SLC16A5: variants seen among roughly 807,000 people sequenced by gnomAD.
SLC16A5 encodes monocarboxylate transporter 6.
In SLC16A5, 29 loss-of-function variants were observed where a neutral mutation model predicts 33.2. That is an observed-to-expected ratio of 0.87 (90% CI 0.65 to 1.19). The LOEUF (loss-of-function observed/expected upper bound fraction) is 1.19, where lower values mean the gene tolerates loss of function less well. SLC16A5 is among the 50% of genes most tolerant of loss of function. The pLI, the probability that SLC16A5 is intolerant of heterozygous loss-of-function variation, is 0.00. For missense variants in SLC16A5, 606 were observed against 678.2 expected (o/e 0.89, Z 1.18); for synonymous variants, 248 against 284.1 (o/e 0.87, Z 1.28).
chr17:75,092,767 C>T lies in SLC16A5; in HGVS notation c.-48-822C>T, dbSNP rs546709236. ...TTCTGTGCTTGTCTGTGTGAGTGTG[C>T]GCTGTGACTGTGTTTGTGTGTGACT... On this transcript the variant is annotated intron_variant, in intron 2 of 6. Transcript: ENST00000329783. Among the ~76,000 whole-genome samples, 6 of 150,402 alleles carry T rather than the reference C, an allele frequency of 4.0e-5. No individual in the cohort carries two copies. The South Asian group carries it at 1.1e-3, about 26-fold the overall frequency.
chr17:75,101,326 T>G (rs1393488127), intron 5 of SLC16A5, among the ~76,000 whole-genome samples: 3 of 148,726 alleles, frequency 2.0e-5, no homozygotes, highest in African/African-American at 7.5e-5. Context: ...TTTGGGAGGC[T>G]GAGGCGGGTG....
chr17:75,104,557 T>C, intron 6 of SLC16A5: 1 of 791,878 alleles, frequency 1.3e-6, no homozygotes, highest in Non-Finnish European at 1.6e-6. Flanking sequence ...GTTCAAGCGA[T>C]TCTCCTGCCT....
At chr17:75,092,822 CGTGTGT>C (rs10541835) in intron 2 of SLC16A5, among the ~76,000 whole-genome samples, 8,619 of 135,998 alleles carry the variant, frequency 0.063, 281 homozygotes, top group Non-Finnish European at 0.071. Context: ...TGTGCCACTG[CGTGTGT>C]GTGTGTGTGT....
At chr17:75,101,760 A>C (rs2073802980) in intron 5 of SLC16A5, among the ~76,000 whole-genome samples, 1 of 151,574 alleles carries the variant, frequency 6.6e-6, no homozygotes, top group African/African-American at 2.4e-5. Context: ...TCAGCCCCCC[A>C]AGTAGCTGGG....
chr17:75,103,922 TGG>T lies in SLC16A5; in HGVS notation c.1154-43_1154-42del, dbSNP rs754179106. 1.0e-5 allele frequency: 16 copies of T among 1,552,396 alleles called. No homozygotes were observed. In the African/African-American group the frequency reaches 2.0e-4, roughly 20 times the overall value. On this transcript the variant is annotated intron_variant, in intron 5 of 6. Transcript: ENST00000329783. ...GCTGTCAGGGAACACACAGCTGAGT[TGG>T]GGGGAGGCCTGGTAGCACTGGCCTA...
intron 6 of SLC16A5, chr17:75,105,291 C>T: frequency 1.0e-6 from 1 of 985,442 alleles, no homozygotes. Flanking sequence ...CTTTCCCCAC[C>T]CTGTCTCCTT....
rs1340055643 is a variant in SLC16A5 at position 75,105,893 on chromosome 17, C to T, written c.1378C>T (p.Arg460Cys). 4 of 1,603,788 alleles carry T rather than the reference C, an allele frequency of 2.5e-6. No homozygotes were observed. The highest frequency in any genetic ancestry group is 1.1e-5 in the South Asian group (1 of 90,076). ...RSPEIMCQSS[R>C]QPRPAGVNKH... ...TTTCATGAACAGGTGCCAGTCTTCC[C>T]GCCAGCCACGTCCAGCTGGCGTCAA... is the stretch of plus-strand genomic sequence containing the variant. Residue 460 changes from arginine to cysteine, a missense_variant, in exon 7 of 7, where the codon CGC becomes TGC. Transcript: ENST00000329783.
At chr17:75,094,058 C>A (rs533315642) in intron 3 of SLC16A5, among the ~76,000 whole-genome samples, 4 of 152,200 alleles carry the variant, frequency 2.6e-5, no homozygotes, top group Non-Finnish European at 5.9e-5. Context: ...CAAAGCCAGG[C>A]GGAGCCTTGC....
chr17:75,096,525 C>CT (rs1302099286), intron 3 of SLC16A5, among the ~76,000 whole-genome samples: 4 of 147,658 alleles, frequency 2.7e-5, no homozygotes, highest in African/African-American at 1.0e-4. Flanking sequence ...CTGTCACTTG[C>CT]TTTTTTCTTT....
Position 75,093,757 on chromosome 17 carries a change from T to A in SLC16A5, c.121T>A (p.Leu41Met), listed in dbSNP as rs4788863. The change falls in exon 3 of 7, where the codon TTG (leucine) becomes ATG (methionine). Residue 41 changes from leucine (L) to methionine (M), a missense_variant. Coordinates refer to ENST00000329783, the MANE Select transcript of SLC16A5 (RefSeq NM_004695.4). ...GTGTATCGGCATCTTCTTCACTGAATTGCAATGGGAGTTCCAGGCCAGCAA... is the reference window on the plus strand; with the variant it reads ...GTGTATCGGCATCTTCTTCACTGAAATGCAATGGGAGTTCCAGGCCAGCAA... ...PTCIGIFFTE[L>M]QWEFQASNSE... The A allele has an allele frequency of 6.2e-7, 1 of 1,614,040 alleles. No individual in the cohort carries two copies. Among genetic ancestry groups the A allele is most frequent in the Admixed American group, 1.7e-5 (1 of 60,012 alleles).
chr17:75,105,489 G>A (rs1387165111), intron 6 of SLC16A5: 3 of 985,232 alleles, frequency 3.0e-6, no homozygotes, highest in Admixed American at 6.2e-5. Context: ...CAACCCTGGG[G>A]TAAGTGGCTG....
intron 3 of SLC16A5, among the ~76,000 whole-genome samples, chr17:75,094,059 G>A (rs371833968): frequency 2.0e-5 from 3 of 152,212 alleles, no homozygotes; most frequent in Admixed American, 6.5e-5. Flanking sequence ...AAAGCCAGGC[G>A]GAGCCTTGCG....
intron 3 of SLC16A5, 88 bp downstream of exon 3, chr17:75,093,923 G>C: frequency 6.6e-7 from 1 of 1,518,776 alleles, no homozygotes; most frequent in Non-Finnish European, 8.9e-7. Flanking sequence ...CCCTCTCTCT[G>C]AGGCCACAGG....
At chr17:75,087,486 A>G (rs1023575150), upstream of SLC16A5, among the ~76,000 whole-genome samples, 4 of 152,198 alleles carry the variant, frequency 2.6e-5, no homozygotes, top group African/African-American at 9.6e-5. Context: ...ACCTGCTCCC[A>G]GGGCTGAGGG....
chr17:75,097,997 T>A, intron 3 of SLC16A5, 41 bp from the exon 4 acceptor site: 1 of 1,563,264 alleles, frequency 6.4e-7, no homozygotes, highest in Non-Finnish European at 8.6e-7. Flanking sequence ...TCCCGCCACC[T>A]CCTCATTCAG....
chr17:75,098,889 G>A (rs9905873), intron 4 of SLC16A5, among the ~76,000 whole-genome samples: 48,001 of 151,840 alleles, frequency 0.32, 8,116 homozygotes, highest in Middle Eastern at 0.43. Flanking sequence ...CAGGCATGTG[G>A]GCAGCTGAGC....
intron 3 of SLC16A5, among the ~76,000 whole-genome samples, chr17:75,094,314 C>T (rs2073686146): frequency 1.3e-5 from 2 of 152,276 alleles, no homozygotes; most frequent in South Asian, 2.1e-4. Flanking sequence ...GAAATGTATG[C>T]GGCTGTGAAT....
rs2073831103 is a variant in SLC16A5 at position 75,103,975 on chromosome 17, C to T, written c.1159C>T (p.Leu387Phe). Residue 387 changes from leucine to phenylalanine, a missense_variant, in exon 6 of 7, where the codon CTC (leucine) becomes TTC (phenylalanine). By Grantham distance (22) the Leu-to-Phe change is conservative (BLOSUM62 0). Coordinates refer to ENST00000329783, the MANE Select transcript of SLC16A5 (RefSeq NM_004695.4). ...FLISPPLAGL[L>F]LDATNNFSYV... ...ACTTGATCTCTGTTCCCCAGGGTTG[C>T]TCCTGGACGCCACCAACAACTTTAG... 6.2e-7 allele frequency: 1 copy of T among 1,614,036 alleles called. No homozygotes were observed. Among genetic ancestry groups the T allele is most frequent in the Non-Finnish European group, 8.5e-7 (1 of 1,179,916 alleles).
intron 2 of SLC16A5, chr17:75,093,292 C>A: frequency 2.3e-6 from 2 of 855,676 alleles, no homozygotes; most frequent in Admixed American, 2.4e-5. Context: ...CAATTAGAGA[C>A]AATTGTACCC....
Sources: allele counts gnomAD v4.1 joint callset (sites outside exome capture counted in the v4.1 genomes callset), GRCh38; gene constraint gnomAD v4.1.1; transcripts MANE v1.5; gene names NCBI Gene and HGNC (gene_info 2026-07-23, HGNC 2026-07-21).